Variants in TFE3 observed in about 807,000 individuals in gnomAD.
The protein encoded by TFE3 is transcription factor E3.
In TFE3, 5 loss-of-function variants were observed where a neutral mutation model predicts 35.0. The observed-to-expected ratio is 0.14, with a 90% CI of 0.07 to 0.30. TFE3 has a LOEUF of 0.30. TFE3 is among the 10% of genes least tolerant of loss of function. The pLI is 1.00. For missense variants in TFE3, 374 were observed against 496.6 expected (o/e 0.75, Z 2.35); for synonymous variants, 211 against 215.6 (o/e 0.98, Z 0.18).
At chrX:49,033,662 G>A in intron 7 of TFE3, 64 bp downstream of exon 7, 1 of 1,190,434 alleles carries the variant, frequency 8.4e-7, no homozygotes, top group Non-Finnish European at 1.1e-6. Context: ...CCCATGGGGG[G>A]CCAGGACTCG....
rs1353954013 is a variant in TFE3, at chrX:49,039,088, C to T, written c.534+19G>A. 1 of 1,134,147 alleles carries T rather than the reference C, an allele frequency of 8.8e-7. No individual in the cohort carries two copies. Among genetic ancestry groups the T allele is most frequent in the Non-Finnish European group, 1.2e-6 (1 of 857,439 alleles). 93.5% of individuals were successfully genotyped at this position (1,134,147 alleles called of 1,213,427 possible). ...AGTCACCAGGAGCCCCCTCCCAGGG[C>T]CTCTGGATCTCACCTTACCTTGAGC... is the stretch of plus-strand genomic sequence containing the variant. On this transcript the variant is annotated intron_variant, in intron 3 of 9. Transcript: ENST00000315869.
intron 5 of TFE3, among the ~76,000 whole-genome samples, chrX:49,036,417 A>G (rs1251132207): frequency 8.4e-5 from 1 of 11,965 alleles, no homozygotes; most frequent in African/African-American, 8.9e-5. Flanking sequence ...CAATGAGCAG[A>G]GATCGCACAT....
intron 5 of TFE3, among the ~76,000 whole-genome samples, chrX:49,036,396 G>A (rs1290214974): frequency 1.2e-5 from 1 of 83,707 alleles, no homozygotes; most frequent in African/African-American, 4.1e-5. Context: ...GAACCCAGGA[G>A]GCAGAGGGTG....
Position 49,038,391 on chromosome X carries a change from G to A in TFE3, c.586C>T (p.Arg196Trp), listed in dbSNP as rs782560515. The A allele has an allele frequency of 8.3e-7, 1 of 1,204,120 alleles. No individual in the cohort carries two copies. Among genetic ancestry groups the A allele is most frequent in the Non-Finnish European group, 1.1e-6 (1 of 893,732 alleles). Residue 196 changes from arginine (R) to tryptophan (W), a missense_variant, in exon 4 of 10, where the codon CGG (arginine) becomes TGG (tryptophan). Around this residue, in one of 3 missense-constraint regions of TFE3, gnomAD observed 167 missense variants for 297.2 expected, o/e 0.56. Transcript: ENST00000315869. Reference protein sequence around the residue: ...PTRYHLQQARRQQVKQYLSTT... With the variant: ...PTRYHLQQARWQQVKQYLSTT... ...GACAGGTACTGTTTCACCTGCTGCC[G>A]GCGCGCCTGCTGCAGGTGGTAGCGC...
rs1569520962 is a variant in TFE3, at chrX:49,030,105, G to A, written c.*53C>T. 1 of 1,156,382 alleles carries A rather than the reference G, an allele frequency of 8.6e-7. No homozygotes were observed. The highest frequency in any genetic ancestry group is 1.2e-6 in the Non-Finnish European group (1 of 859,332). ...GGGGGAAAAGGCGGGGCCTCATCCT[G>A]ACTGGTCCTCCTTTCCTGGGTGGGA... On this transcript the variant is annotated 3_prime_UTR_variant, in exon 10 of 10. Coordinates refer to ENST00000315869, the MANE Select transcript of TFE3 (RefSeq NM_006521.6).
intron 3 of TFE3, 55 bp downstream of exon 3, chrX:49,039,052 G>T: frequency 9.2e-7 from 1 of 1,091,126 alleles, no homozygotes; most frequent in Non-Finnish European, 1.2e-6. Context: ...TAGCTCCTAG[G>T]ATCACTCCTC....
At chrX:49,031,364 C>G in intron 9 of TFE3, 33 bp downstream of exon 9, 1 of 1,164,569 alleles carries the variant, frequency 8.6e-7, no homozygotes, top group Non-Finnish European at 1.2e-6. Context: ...AGCTCTCCCC[C>G]TCTTCCCCCA....
At chrX:49,039,599 G>C (rs967334294) in intron 2 of TFE3, 189 bp from the exon 3 acceptor site, 1 of 425,292 alleles carries the variant, frequency 2.4e-6, no homozygotes, top group South Asian at 5.2e-5. Context: ...AGTCTGATGG[G>C]GGACACACTG....
At chrX:49,041,937 A>C (rs983051325) in intron 1 of TFE3, among the ~76,000 whole-genome samples, 1 of 111,249 alleles carries the variant, frequency 9.0e-6, no homozygotes. Flanking sequence ...TGGAGCCCTA[A>C]AACCACCCAG....
chrX:49,034,310 C>T, intron 5 of TFE3, 59 bp from the exon 6 acceptor site: 1 of 834,003 alleles, frequency 1.2e-6, no homozygotes, highest in South Asian at 2.2e-5. Flanking sequence ...CTTGGCTCCT[C>T]CTCAGAACCA....
rs2064747819 is a variant in TFE3, at chrX:49,039,326, GGCAGGGGTCCTGGA to G, written c.301_314del (p.Ser101HisfsTer27). On this transcript the variant is annotated frameshift_variant, in exon 3 of 10. Coordinates refer to ENST00000315869, the MANE Select transcript of TFE3 (RefSeq NM_006521.6). LOFTEE classifies it high-confidence loss of function. Reference sequence around the variant, plus strand: ...CCCTCGATGAAGAAGATGACGACATGGCAGGGGTCCTGGAGCCCCCTGCAGAAGACGATGCAGAG... The same window carrying G: ...CCCTCGATGAAGAAGATGACGACATGGCCCCCTGCAGAAGACGATGCAGAG... The G allele has an allele frequency of 8.3e-7, 1 of 1,205,800 alleles. No individual in the cohort carries two copies. Among genetic ancestry groups the G allele is most frequent in the African/African-American group, 1.7e-5 (1 of 57,232 alleles).
intron 5 of TFE3, among the ~76,000 whole-genome samples, chrX:49,037,275 T>G (rs1658168442): frequency 8.9e-6 from 1 of 111,876 alleles, no homozygotes; most frequent in African/African-American, 3.3e-5. Context: ...CCAGCCAGGG[T>G]GACAGAGTGA....
In TFE3 at chrX:49,034,233, G is replaced by A; in HGVS notation, c.904C>T (p.Leu302=). The change falls in exon 6 of 10, where the codon CTG becomes TTG. Residue 302 remains leucine (L), a synonymous_variant. Coordinates refer to ENST00000315869, the MANE Select transcript of TFE3 (RefSeq NM_006521.6). ...CCTTGACTACTGTACACATCAAGCAGATTCCCTGACACAGGCAGCTGGGGG... is the reference window on the plus strand; with the variant it reads ...CCTTGACTACTGTACACATCAAGCAAATTCCCTGACACAGGCAGCTGGGGG... ...LPSTLPVSGN[L]LDVYSSQGVA... 8.3e-7 allele frequency: 1 copy of A among 1,199,053 alleles called. No individual in the cohort carries two copies. Among genetic ancestry groups the A allele is most frequent in the Non-Finnish European group, 1.1e-6 (1 of 887,800 alleles).
intron 1 of TFE3, among the ~76,000 whole-genome samples, chrX:49,041,081 C>T (rs370608867): frequency 2.7e-5 from 3 of 109,591 alleles, no homozygotes; most frequent in African/African-American, 3.3e-5. Context: ...TACAGGCACA[C>T]GCCACCACGT....
chrX:49,042,750 C>A (rs1460837670), intron 1 of TFE3, among the ~76,000 whole-genome samples: 4 of 111,318 alleles, frequency 3.6e-5, no homozygotes, highest in African/African-American at 1.3e-4. Context: ...CCCTCAAATT[C>A]ATTCCCCTCA....
chrX:49,030,435 G>C lies in TFE3; in HGVS notation c.1451C>G (p.Ala484Gly), dbSNP rs147100760. 3 of 1,211,326 alleles carry C rather than the reference G, an allele frequency of 2.5e-6. No homozygotes were observed. In the East Asian group the frequency reaches 8.9e-5, roughly 36 times the overall value. Reference sequence around the variant, plus strand: ...GGGCTGCTGATGGGGAGCATTCTGGGCAGGTCCCCCCCCTACATGGAACGT... The same window carrying C: ...GGGCTGCTGATGGGGAGCATTCTGGCCAGGTCCCCCCCCTACATGGAACGT... ...AATFHVGGGP[A>G]QNAPHQQPPA... is the part of the protein sequence containing the mutation. Residue 484 changes from alanine (A) to glycine (G), a missense_variant, in exon 10 of 10, where the codon GCC becomes GGC. Physicochemically the swap from Ala to Gly is moderately conservative, Grantham distance 60. This residue lies in a region of TFE3 where 117 missense variants were observed against 111.9 expected (regional missense o/e 1.05). Coordinates refer to ENST00000315869, the MANE Select transcript of TFE3 (RefSeq NM_006521.6).
At chrX:49,040,026 T>G (rs1402210364) in intron 2 of TFE3, among the ~76,000 whole-genome samples, 1 of 109,671 alleles carries the variant, frequency 9.1e-6, no homozygotes, top group East Asian at 2.9e-4. Flanking sequence ...CTTCCAAGCT[T>G]GGGGAAAGAA....
At chrX:49,033,606 G>A (rs782316450) in intron 7 of TFE3, 66 bp from the exon 8 acceptor site, 68 of 1,183,318 alleles carry the variant, frequency 5.7e-5, no homozygotes, top group Non-Finnish European at 7.3e-5. Flanking sequence ...AAAAATGGAA[G>A]AGACAGAAAG....
In TFE3 at chrX:49,043,342, A is replaced by G. The variant is rs782798695; in HGVS notation, c.-116T>C. ...CCACCGCCGCCTCCTCCGCTAAGCC[A>G]TGGAGCTAGCACTGCGCGGGCGGGC... is the stretch of plus-strand genomic sequence containing the variant. On this transcript the variant is annotated 5_prime_UTR_variant, in exon 1 of 10. The change abolishes an upstream ATG in the 5' untranslated region. Coordinates refer to ENST00000315869, the MANE Select transcript of TFE3 (RefSeq NM_006521.6). 4.4e-4 allele frequency: 246 copies of G among 561,452 alleles called. No homozygotes were observed. The African/African-American group carries it at 4.7e-3, about 11-fold the overall frequency. The allele number at this position is 561,452 out of a possible 1,213,427, so 46.3% of individuals were successfully genotyped here.
Sources: gnomAD v4.1 joint callset for allele counts (sites outside exome capture counted in the v4.1 genomes callset) on GRCh38, gnomAD v4.1.1 for gene constraint, gnomAD v4.1.1 regional missense constraint, MANE v1.5 for transcripts, NCBI Gene and HGNC (gene_info 2026-07-23, HGNC 2026-07-21) for gene names.